GALNT2: variants seen among roughly 807,000 people sequenced by gnomAD.
The protein encoded by GALNT2 is polypeptide N-acetylgalactosaminyltransferase 2, also known as UDP-GalNAc:polypeptide N-acetylgalactosaminyltransferase 2.
Under a neutral mutation model 81.4 loss-of-function variants are expected in GALNT2, and 31 were observed. The observed-to-expected ratio is 0.38, with a 90% CI of 0.29 to 0.51. GALNT2 has a LOEUF of 0.51. GALNT2 is among the 20% of genes least tolerant of loss of function. The pLI, the probability that GALNT2 is intolerant of heterozygous loss-of-function variation, is 0.87. For missense variants in GALNT2, 629 were observed against 765.7 expected (o/e 0.82, Z 2.11); for synonymous variants, 303 against 287.4 (o/e 1.05, Z -0.55).
At chr1:230,167,973 T>C (rs1248376993) in intron 1 of GALNT2, among the ~76,000 whole-genome samples, 12 of 151,854 alleles carry the variant, frequency 7.9e-5, no homozygotes, top group Admixed American at 7.9e-4. Flanking sequence ...CCCCCCCTTT[T>C]TTTTGTAAAG....
intron 1 of GALNT2, among the ~76,000 whole-genome samples, chr1:230,086,960 G>A (rs1558277272): frequency 6.6e-6 from 1 of 152,186 alleles, no homozygotes; most frequent in African/African-American, 2.4e-5. Flanking sequence ...TTTATCACAG[G>A]GTTTACTGCA....
At chr1:230,107,602 C>T (rs1660577540) in intron 1 of GALNT2, among the ~76,000 whole-genome samples, 1 of 97,386 alleles carries the variant, frequency 1.0e-5, no homozygotes, top group South Asian at 4.3e-4. Context: ...CATTTCTTCT[C>T]ATGGACTTTG....
At chr1:230,089,870 C>T (rs1660011147) in intron 1 of GALNT2, among the ~76,000 whole-genome samples, 1 of 152,206 alleles carries the variant, frequency 6.6e-6, no homozygotes, top group African/African-American at 2.4e-5. Flanking sequence ...GTGCACATTT[C>T]CCTTCGAGAC....
intron 1 of GALNT2, among the ~76,000 whole-genome samples, chr1:230,087,534 G>A (rs906831119): frequency 3.3e-5 from 5 of 152,262 alleles, no homozygotes; most frequent in African/African-American, 1.2e-4. Context: ...GGAACACCTG[G>A]GGAAAACTTT....
intron 1 of GALNT2, among the ~76,000 whole-genome samples, chr1:230,136,529 C>G (rs1156722196): frequency 6.6e-6 from 1 of 152,304 alleles, no homozygotes; most frequent in African/African-American, 2.4e-5. Flanking sequence ...CCCCTCACTG[C>G]CCCCCATCCA....
intron 2 of GALNT2, among the ~76,000 whole-genome samples, chr1:230,182,503 G>A (rs1663191424): frequency 6.6e-6 from 1 of 152,196 alleles, no homozygotes; most frequent in Non-Finnish European, 1.5e-5. Flanking sequence ...TCATTTAGAA[G>A]TGCGTTGTTT....
chr1:230,061,706 T>G (rs996064131), intron 1 of GALNT2, among the ~76,000 whole-genome samples: 2 of 152,188 alleles, frequency 1.3e-5, no homozygotes, highest in Non-Finnish European at 2.9e-5. Context: ...CTCCTATCCC[T>G]TCTACCTTTC....
At chr1:230,206,682 G>T (rs1286401815) in intron 3 of GALNT2, among the ~76,000 whole-genome samples, 4 of 152,132 alleles carry the variant, frequency 2.6e-5, no homozygotes, top group South Asian at 2.1e-4. Flanking sequence ...TTGATCAATA[G>T]AAATTCTTGC....
At chr1:230,137,678 G>A (rs1192795657) in intron 1 of GALNT2, among the ~76,000 whole-genome samples, 3 of 152,230 alleles carry the variant, frequency 2.0e-5, no homozygotes, top group Non-Finnish European at 4.4e-5. Context: ...TGTCACAGCT[G>A]TGGATGTTTG....
At chr1:230,077,326 A>C (rs1040936118) in intron 1 of GALNT2, among the ~76,000 whole-genome samples, 2 of 152,082 alleles carry the variant, frequency 1.3e-5, no homozygotes, top group Admixed American at 1.3e-4. Context: ...CAGGGAGCTC[A>C]CTTAGTTGTC....
chr1:230,152,374 A>G (rs753513791), intron 1 of GALNT2, among the ~76,000 whole-genome samples: 5 of 152,322 alleles, frequency 3.3e-5, no homozygotes, highest in Middle Eastern at 3.4e-3. Flanking sequence ...GATGAGGGCA[A>G]GGTTTTTCAA....
At chr1:230,079,075 G>A (rs1659651405) in intron 1 of GALNT2, among the ~76,000 whole-genome samples, 1 of 152,226 alleles carries the variant, frequency 6.6e-6, no homozygotes, top group Non-Finnish European at 1.5e-5. Flanking sequence ...AGCTTTGCTT[G>A]TGGTTATAAG....
chr1:230,113,836 A>G (rs1660769235), intron 1 of GALNT2, among the ~76,000 whole-genome samples: 1 of 152,090 alleles, frequency 6.6e-6, no homozygotes, highest in Non-Finnish European at 1.5e-5. Context: ...AAATGTGGGA[A>G]GCGAGGCCTC....
chr1:230,255,102 C>T, intron 10 of GALNT2, 116 bp from the exon 11 acceptor site: 2 of 1,442,950 alleles, frequency 1.4e-6, no homozygotes, highest in East Asian at 4.6e-5. Flanking sequence ...CAGCAGAGGG[C>T]ATGGGAGCCC....
At chr1:230,159,477 G>A (rs1355683061) in intron 1 of GALNT2, among the ~76,000 whole-genome samples, 2 of 152,222 alleles carry the variant, frequency 1.3e-5, no homozygotes, top group African/African-American at 4.8e-5. Context: ...TATTCTGAAA[G>A]AGAGGCTTAA....
At chr1:230,118,531 T>C (rs1284675340) in intron 1 of GALNT2, among the ~76,000 whole-genome samples, 4 of 152,222 alleles carry the variant, frequency 2.6e-5, no homozygotes, top group African/African-American at 4.8e-5. Context: ...CTCTCTTTTA[T>C]AGTCCCATCA....
chr1:230,196,546 G>A (rs543017105), intron 2 of GALNT2, among the ~76,000 whole-genome samples: 1 of 152,326 alleles, frequency 6.6e-6, no homozygotes, highest in South Asian at 2.1e-4. Context: ...AGGACGGCAA[G>A]TGCGAGACGT....
intron 8 of GALNT2, among the ~76,000 whole-genome samples, chr1:230,246,378 G>T (rs896650729): frequency 6.6e-6 from 1 of 152,134 alleles, no homozygotes. Flanking sequence ...CCTCTTCCTT[G>T]ACCTTCTGTC....
chr1:230,234,154 C>G (rs1293802999), intron 3 of GALNT2, among the ~76,000 whole-genome samples: 1 of 152,076 alleles, frequency 6.6e-6, no homozygotes, highest in Non-Finnish European at 1.5e-5. Context: ...ATGAGTTAAT[C>G]TCTGGTTAAT....
Sources: gnomAD v4.1 joint callset for allele counts (sites outside exome capture counted in the v4.1 genomes callset) on GRCh38, gnomAD v4.1.1 for gene constraint, MANE v1.5 for transcripts, NCBI Gene and HGNC (gene_info 2026-07-23, HGNC 2026-07-21) for gene names.